MACROD2: variants seen among roughly 807,000 people sequenced by gnomAD.
The protein encoded by MACROD2 is mono-ADP ribosylhydrolase 2.
A neutral mutation model predicts 70.4 loss-of-function variants in MACROD2; 36 were observed. The observed-to-expected ratio is 0.51, with a 90% confidence interval of 0.39 to 0.68. The LOEUF (loss-of-function observed/expected upper bound fraction) is 0.68. Among genes scored for constraint, MACROD2 ranks in the 30% least tolerant of loss-of-function variants. MACROD2 has a pLI of 0.00. For synonymous variants in MACROD2, 172 were observed against 178.8 expected, an observed-to-expected ratio of 0.96 and a Z score of 0.30; for missense variants, 496 against 538.4, an observed-to-expected ratio of 0.92 and a Z score of 0.78.
intron 7 of MACROD2, among the ~76,000 whole-genome samples, chr20:15,484,274 A>T (rs1235903068): frequency 6.6e-6 from 1 of 152,130 alleles, no homozygotes; most frequent in African/African-American, 2.4e-5. Context: ...GTAGAAGAAA[A>T]AAAAGAACGA....
chr20:15,156,840 G>C (rs1407325), intron 5 of MACROD2, among the ~76,000 whole-genome samples: 3,568 of 152,274 alleles, frequency 0.023, 144 homozygotes, highest in African/African-American at 0.082. Flanking sequence ...ACCTGTATTA[G>C]CCAAGCCATT....
chr20:14,448,567 C>A (rs1010645891), intron 3 of MACROD2, among the ~76,000 whole-genome samples: 1 of 151,866 alleles, frequency 6.6e-6, no homozygotes, highest in Non-Finnish European at 1.5e-5. Context: ...ATCCCAGCTA[C>A]TCAGGAGGCT....
intron 5 of MACROD2, among the ~76,000 whole-genome samples, chr20:15,076,097 G>T (rs1350250608): frequency 2.7e-5 from 4 of 148,466 alleles, no homozygotes; most frequent in African/African-American, 5.2e-5. Flanking sequence ...ATGTGTGTCT[G>T]TGTGAATAAA....
At chr20:14,976,835 G>T (rs2074744127) in intron 5 of MACROD2, among the ~76,000 whole-genome samples, 1 of 152,096 alleles carries the variant, frequency 6.6e-6, no homozygotes, top group Non-Finnish European at 1.5e-5. Context: ...GTTATTTGGG[G>T]GATTAAGTCA....
At chr20:15,451,196 A>G (rs1174466028) in intron 7 of MACROD2, among the ~76,000 whole-genome samples, 1 of 151,818 alleles carries the variant, frequency 6.6e-6, no homozygotes, top group Non-Finnish European at 1.5e-5. Context: ...TGTTCTGAAC[A>G]TCTCAGTGGG....
At chr20:15,504,436 G>A (rs1452872087) in intron 8 of MACROD2, among the ~76,000 whole-genome samples, 1 of 152,058 alleles carries the variant, frequency 6.6e-6, no homozygotes, top group East Asian at 1.9e-4. Flanking sequence ...ACTTAGAACT[G>A]AAAAACATGA....
chr20:14,130,932 T>G (rs931724447), intron 3 of MACROD2, among the ~76,000 whole-genome samples: 3 of 88,318 alleles, frequency 3.4e-5, no homozygotes, highest in African/African-American at 1.3e-4. Flanking sequence ...TTTTTTTTGT[T>G]TTTTTTTTTT....
intron 6 of MACROD2, among the ~76,000 whole-genome samples, chr20:15,430,044 A>G (rs1400090331): frequency 6.6e-6 from 1 of 151,996 alleles, no homozygotes. Flanking sequence ...TGACTGAGTT[A>G]TTTCACTTAA....
chr20:14,741,774 A>G (rs1217586541), intron 5 of MACROD2, among the ~76,000 whole-genome samples: 2 of 152,122 alleles, frequency 1.3e-5, no homozygotes, highest in Non-Finnish European at 2.9e-5. Flanking sequence ...GTATATGAGT[A>G]TAGTCACAAG....
chr20:14,046,714 CTTTT>C (rs2053481004), intron 2 of MACROD2, among the ~76,000 whole-genome samples: 1 of 133,098 alleles, frequency 7.5e-6, no homozygotes, highest in African/African-American at 2.7e-5. Flanking sequence ...CAAGCATTCT[CTTTT>C]ATTTATTTAT....
At chr20:15,048,705 G>T (rs937872806) in intron 5 of MACROD2, among the ~76,000 whole-genome samples, 1 of 151,944 alleles carries the variant, frequency 6.6e-6, no homozygotes, top group East Asian at 1.9e-4. Context: ...GCTTAAAAAT[G>T]GTTCTTCATT....
chr20:14,498,764 G>T (rs1443802441), intron 4 of MACROD2, among the ~76,000 whole-genome samples: 1 of 152,178 alleles, frequency 6.6e-6, no homozygotes, highest in African/African-American at 2.4e-5. Flanking sequence ...GTTTAAGAGG[G>T]AATGATTTCA....
At chr20:14,503,617 T>C (rs1314237793) in intron 4 of MACROD2, among the ~76,000 whole-genome samples, 1 of 151,944 alleles carries the variant, frequency 6.6e-6, no homozygotes, top group Non-Finnish European at 1.5e-5. Context: ...GTCTGAGGAG[T>C]TGTAGCTAAA....
intron 5 of MACROD2, chr20:14,757,629 C>A: frequency 8.4e-7 from 1 of 1,195,408 alleles, no homozygotes; most frequent in Non-Finnish European, 1.2e-6. Context: ...GTCATGGTGG[C>A]CAAGGACATC....
At chr20:15,061,508 C>T (rs2075532758) in intron 5 of MACROD2, among the ~76,000 whole-genome samples, 1 of 152,142 alleles carries the variant, frequency 6.6e-6, no homozygotes, top group African/African-American at 2.4e-5. Context: ...CTCTCCCTTC[C>T]CTGTCTCACT....
rs550538111 is a variant in MACROD2, at chr20:14,677,113, G to A, written c.302-7730G>A. Among the ~76,000 whole-genome samples, 9 of 151,954 alleles carry A rather than the reference G, an allele frequency of 5.9e-5. No individual in the cohort carries two copies. In the South Asian group the frequency reaches 1.9e-3, roughly 32 times the overall value. ...TTTTTTCTCTTTTCAGGATCAACTT[G>A]TTCATTTGCTTATAAAATGATGAGC... On this transcript the variant is annotated intron_variant, in intron 4 of 17. Coordinates refer to ENST00000684519, the MANE Select transcript of MACROD2 (RefSeq NM_001351661.2).
chr20:15,127,513 C>T (rs985557218), intron 5 of MACROD2, among the ~76,000 whole-genome samples: 1 of 151,920 alleles, frequency 6.6e-6, no homozygotes, highest in African/African-American at 2.4e-5. Flanking sequence ...ATGAGATTGC[C>T]GTTAACCTGT....
intron 5 of MACROD2, among the ~76,000 whole-genome samples, chr20:15,010,284 C>G (rs894443541): frequency 1.3e-5 from 2 of 152,184 alleles, no homozygotes; most frequent in African/African-American, 4.8e-5. Context: ...CATGCCGCCA[C>G]TTAGGTAGTT....
chr20:15,900,183 G>A (rs912821428), intron 10 of MACROD2, among the ~76,000 whole-genome samples: 1 of 152,082 alleles, frequency 6.6e-6, no homozygotes, highest in Admixed American at 6.5e-5. Context: ...AAATCAGGCA[G>A]TCATAATTTT....
Sources: allele counts gnomAD v4.1 joint callset (sites outside exome capture counted in the v4.1 genomes callset), GRCh38; gene constraint gnomAD v4.1.1; transcripts MANE v1.5; gene names NCBI Gene and HGNC (gene_info 2026-07-23, HGNC 2026-07-21).